The following DPP6 variants were observed in gnomAD, a reference collection of about 807,000 sequenced individuals.
DPP6 encodes the protein dipeptidyl peptidase like 6.
A neutral mutation model predicts 122.6 loss-of-function variants in DPP6; 69 were observed. The ratio of observed to expected loss-of-function variants is 0.56; its 90% CI spans 0.46 to 0.69. The LOEUF is 0.69. Among genes scored for constraint, DPP6 ranks in the 30% least tolerant of loss-of-function variants. The pLI is 0.00. For missense variants in DPP6, 928 were observed against 1,116.9 expected (o/e 0.83, Z 2.41); for synonymous variants, 418 against 433.1 (o/e 0.97, Z 0.43).
At chr7:153,802,280 G>T in the DPP6 span, among the ~76,000 whole-genome samples, 2 of 152,202 alleles carry the variant, frequency 1.3e-5, no homozygotes, top group African/African-American at 2.4e-5. Context: ...AGGGTTAAAT[G>T]AGGTGAAAAG....
At chr7:154,627,596 A>C (rs1835167856) in intron 5 of DPP6, among the ~76,000 whole-genome samples, 1 of 152,226 alleles carries the variant, frequency 6.6e-6, no homozygotes, top group East Asian at 1.9e-4. Flanking sequence ...AAATATGGTC[A>C]TTAATATGGG....
intron 1 of DPP6, among the ~76,000 whole-genome samples, chr7:154,001,423 A>C (rs575882765): frequency 2.0e-5 from 3 of 147,024 alleles, no homozygotes; most frequent in African/African-American, 5.0e-5. Context: ...TCTTTCTTCA[A>C]AGTCTTAAAG....
chr7:154,656,750 T>A (rs1837283924), intron 6 of DPP6, among the ~76,000 whole-genome samples: 1 of 116,632 alleles, frequency 8.6e-6, no homozygotes, highest in Non-Finnish European at 1.8e-5. Context: ...TGGGAGGAGG[T>A]GCCCAGAGAT....
intron 1 of DPP6, among the ~76,000 whole-genome samples, chr7:154,206,470 C>T (rs779978912): frequency 1.2e-4 from 18 of 152,162 alleles, no homozygotes; most frequent in Admixed American, 7.2e-4. Context: ...TATTGCTCAT[C>T]GGGGGTCATA....
At chr7:154,335,052 G>GT (rs66861877) in intron 1 of DPP6, among the ~76,000 whole-genome samples, 92,666 of 139,652 alleles carry the variant, frequency 0.66, 29,624 homozygotes, top group East Asian at 0.89. Flanking sequence ...GATGATTTCA[G>GT]TTTTTTCAAT....
intron 1 of DPP6, among the ~76,000 whole-genome samples, chr7:153,920,082 A>G (rs1022988438): frequency 3.9e-5 from 6 of 152,222 alleles, no homozygotes; most frequent in Non-Finnish European, 8.8e-5. Context: ...AAATCAAGTG[A>G]GGTAATGCAA....
chr7:154,398,985 G>A (rs1006225482), intron 1 of DPP6, among the ~76,000 whole-genome samples: 4 of 152,118 alleles, frequency 2.6e-5, no homozygotes, highest in African/African-American at 4.8e-5. Context: ...TTCCAATGAC[G>A]CCTTTATGTA....
chr7:154,225,099 G>T (rs1209566533), intron 1 of DPP6, among the ~76,000 whole-genome samples: 1 of 152,056 alleles, frequency 6.6e-6, no homozygotes, highest in Non-Finnish European at 1.5e-5. Context: ...CCGAGACTGT[G>T]CCACTGCACT....
intron 1 of DPP6, among the ~76,000 whole-genome samples, chr7:153,983,149 C>T (rs774960594): frequency 6.6e-6 from 1 of 152,194 alleles, no homozygotes; most frequent in Non-Finnish European, 1.5e-5. Context: ...CGCCCACAGC[C>T]GCCCCTTCCC....
intron 1 of DPP6, among the ~76,000 whole-genome samples, chr7:153,934,245 G>A (rs1396294344): frequency 6.6e-6 from 1 of 152,164 alleles, no homozygotes; most frequent in East Asian, 1.9e-4. Flanking sequence ...GCAGGCAGGT[G>A]AGCGAGCTGT....
At chr7:153,993,768 A>C (rs918271086) in intron 1 of DPP6, among the ~76,000 whole-genome samples, 2 of 152,176 alleles carry the variant, frequency 1.3e-5, no homozygotes, top group African/African-American at 4.8e-5. Flanking sequence ...CATCTTCCCC[A>C]GATCTCTTTG....
chr7:154,683,265 G>T, intron 7 of DPP6, among the ~76,000 whole-genome samples: 1 of 152,086 alleles, frequency 6.6e-6, no homozygotes, highest in South Asian at 2.1e-4. Flanking sequence ...TAGAGCCTGC[G>T]CCTGTCCCGT....
intron 16 of DPP6, among the ~76,000 whole-genome samples, chr7:154,808,549 G>A (rs1297326926): frequency 1.3e-5 from 2 of 152,112 alleles, no homozygotes; most frequent in South Asian, 4.1e-4. Context: ...CCCACTTCAT[G>A]TATCAGATGG....
intron 1 of DPP6, chr7:154,059,110 G>C (rs1348375192): frequency 7.2e-6 from 1 of 138,866 alleles, no homozygotes; most frequent in Non-Finnish European, 1.5e-5. Flanking sequence ...CATCGCAGGA[G>C]GGTGTGGCAC....
chr7:154,580,271 A>G (rs1014341117), intron 5 of DPP6, among the ~76,000 whole-genome samples: 1 of 151,476 alleles, frequency 6.6e-6, no homozygotes, highest in African/African-American at 2.4e-5. Context: ...ACACACACAC[A>G]TTCATTGCTC....
intron 10 of DPP6, among the ~76,000 whole-genome samples, chr7:154,793,150 A>C (rs1458170876): frequency 6.6e-6 from 1 of 152,096 alleles, no homozygotes; most frequent in African/African-American, 2.4e-5. Context: ...TGCTGTCTTT[A>C]GTGATAAAAG....
rs112713277 is a variant in DPP6 at position 154,677,144 on chromosome 7, A to G, written c.762+7703A>G. Among the ~76,000 whole-genome samples the G allele has an allele frequency of 7.7e-3, 1,172 of 152,292 alleles. 14 individuals carry two copies. The highest frequency in any genetic ancestry group is 0.014 in the Middle Eastern group (4 of 294). On this transcript the variant is annotated intron_variant, in intron 7 of 25. Coordinates refer to ENST00000377770, the MANE Select transcript of DPP6 (RefSeq NM_130797.4). ...TATTATTATAATTTTTACTATTACT[A>G]CTTATGCTATTATTCTGTTGTTTTC...
intron 17 of DPP6, among the ~76,000 whole-genome samples, chr7:154,854,722 T>A (rs914666265): frequency 6.6e-6 from 1 of 152,008 alleles, no homozygotes; most frequent in Non-Finnish European, 1.5e-5. Flanking sequence ...ATGTGTTTGC[T>A]TGGAGGGACC....
the DPP6 span, among the ~76,000 whole-genome samples, chr7:153,862,269 C>T: frequency 2.0e-5 from 3 of 152,278 alleles, no homozygotes; most frequent in East Asian, 3.9e-4. Flanking sequence ...CCTCTGTTCC[C>T]GTTAATACCT....
Sources: gnomAD v4.1 joint callset for allele counts (sites outside exome capture counted in the v4.1 genomes callset) on GRCh38, gnomAD v4.1.1 for gene constraint, MANE v1.5 for transcripts, NCBI Gene and HGNC (gene_info 2026-07-23, HGNC 2026-07-21) for gene names.